Variants in UACA observed in about 807,000 individuals in gnomAD.
The protein encoded by UACA is uveal autoantigen with coiled-coil domains and ankyrin repeats.
In UACA, 112 loss-of-function variants were observed where a neutral mutation model predicts 160.5. That is an observed-to-expected ratio of 0.70 (90% CI 0.60 to 0.82). UACA has a LOEUF of 0.82. UACA is among the 40% of genes least tolerant of loss of function. The pLI is 0.00. For synonymous variants in UACA, 557 were observed against 568.4 expected (o/e 0.98, Z 0.29); for missense variants, 1,574 against 1,614.6 (o/e 0.97, Z 0.43).
At chr15:70,729,019 T>C (rs1265377512) in intron 1 of UACA, among the ~76,000 whole-genome samples, 1 of 152,168 alleles carries the variant, frequency 6.6e-6, no homozygotes, top group Non-Finnish European at 1.5e-5. Context: ...TGGCTATTAT[T>C]ATAAAGTTAA....
chr15:70,744,902 A>T (rs1392936711), intron 1 of UACA, among the ~76,000 whole-genome samples: 1 of 152,198 alleles, frequency 6.6e-6, no homozygotes. Context: ...TGAGAACCTC[A>T]TAACAGCCAT....
chr15:70,684,425 G>A lies in UACA; in HGVS notation c.624C>T (p.Cys208=), dbSNP rs746059009. 9.3e-6 allele frequency: 15 copies of A among 1,610,258 alleles called. No homozygotes were observed. Among genetic ancestry groups the A allele is most frequent in the East Asian group, 2.2e-5 (1 of 44,838 alleles). Residue 208 remains cysteine, a synonymous_variant, in exon 8 of 19, where the codon TGC becomes TGT. Coordinates refer to ENST00000322954, the MANE Select transcript of UACA (RefSeq NM_018003.4). The part of the protein sequence containing the change: ...KQNRTALMLG[C]EYGCRDAVEV... ...CTACTGCATCTCTGCAACCATATTC[G>A]CAACCTAGCATGAGGGCAGTTCTAA...
chr15:70,723,968 G>T (rs1033490908), intron 1 of UACA, among the ~76,000 whole-genome samples: 4 of 152,104 alleles, frequency 2.6e-5, no homozygotes, highest in Non-Finnish European at 5.9e-5. Flanking sequence ...TGACTCCCCA[G>T]ATTTTGTCAG....
intron 1 of UACA, among the ~76,000 whole-genome samples, chr15:70,719,424 G>A (rs1251734973): frequency 6.6e-6 from 1 of 152,180 alleles, no homozygotes; most frequent in Non-Finnish European, 1.5e-5. Flanking sequence ...CCGACAGGCA[G>A]ACTAAGAATG....
chr15:70,752,258 A>C (rs2030130613), intron 1 of UACA, among the ~76,000 whole-genome samples: 1 of 124,044 alleles, frequency 8.1e-6, no homozygotes, highest in South Asian at 2.7e-4. Flanking sequence ...AAAAAAAAAA[A>C]CTTCTCACGT....
the UACA span, among the ~76,000 whole-genome samples, chr15:70,774,980 G>A: frequency 6.6e-6 from 1 of 151,972 alleles, no homozygotes; most frequent in South Asian, 2.1e-4. Context: ...GATCACTTGA[G>A]CCTGGGAGGC....
intron 11 of UACA, among the ~76,000 whole-genome samples, chr15:70,677,355 A>G (rs187617754): frequency 9.1e-4 from 139 of 152,322 alleles, no homozygotes; most frequent in African/African-American, 3.3e-3. Flanking sequence ...TTGAGAACCT[A>G]TCAACCACCA....
In UACA at chr15:70,660,234, T is replaced by C. The variant is rs762691806; in HGVS notation, c.4114-18A>G. 2.5e-6 allele frequency: 4 copies of C among 1,608,352 alleles called. No homozygotes were observed. Among genetic ancestry groups the C allele is most frequent in the Non-Finnish European group, 3.4e-6 (4 of 1,175,706 alleles). ...TCAGCATCCTAGAAATGTGGAAAGATGGACAGATGTGACTATCAGCGTTCA... is the reference window on the plus strand; with the variant it reads ...TCAGCATCCTAGAAATGTGGAAAGACGGACAGATGTGACTATCAGCGTTCA... On this transcript the variant is annotated intron_variant, in intron 17 of 18. Coordinates refer to ENST00000322954, the MANE Select transcript of UACA (RefSeq NM_018003.4).
chr15:70,735,704 G>T (rs1295141526), intron 1 of UACA, among the ~76,000 whole-genome samples: 1 of 152,126 alleles, frequency 6.6e-6, no homozygotes, highest in Non-Finnish European at 1.5e-5. Context: ...TTGAGACAGG[G>T]TCTTGCTCTG....
chr15:70,698,511 T>G (rs775005514), intron 2 of UACA, among the ~76,000 whole-genome samples: 12 of 152,182 alleles, frequency 7.9e-5, no homozygotes, highest in Non-Finnish European at 1.6e-4. Flanking sequence ...AGTGAAACAT[T>G]ATGAACTTGA....
Position 70,690,517 on chromosome 15 carries a change from A to G in UACA, c.367-6T>C. On this transcript the variant is annotated splice_region_variant and splice_polypyrimidine_tract_variant and intron_variant, in intron 4 of 18. Transcript: ENST00000322954. ...TGCTCAGTGGGACAATTGTACTGTT[A>G]AAGTAAAGAAAACTTAGTAAAGTAG... 6.2e-7 allele frequency: 1 copy of G among 1,609,018 alleles called. No individual in the cohort carries two copies. The highest frequency in any genetic ancestry group is 8.5e-7 in the Non-Finnish European group (1 of 1,177,520).
At chr15:70,728,691 G>C (rs1899225061) in intron 1 of UACA, among the ~76,000 whole-genome samples, 1 of 151,686 alleles carries the variant, frequency 6.6e-6, no homozygotes, top group South Asian at 2.1e-4. Context: ...AAATTGAAAA[G>C]TGGGACCTAA....
chr15:70,763,950 C>A (rs570840565), upstream of UACA, among the ~76,000 whole-genome samples: 116 of 152,352 alleles, frequency 7.6e-4, 1 homozygote, highest in Middle Eastern at 3.4e-3. Context: ...CTCTTGGTTA[C>A]CTGCACACAG....
intron 2 of UACA, among the ~76,000 whole-genome samples, chr15:70,697,852 A>G (rs919047396): frequency 2.0e-5 from 3 of 152,144 alleles, no homozygotes; most frequent in African/African-American, 2.4e-5. Flanking sequence ...GGAGTCCAAG[A>G]CCAGCCTGAC....
intron 1 of UACA, among the ~76,000 whole-genome samples, chr15:70,736,819 A>C (rs1291384366): frequency 1.3e-5 from 2 of 152,198 alleles, no homozygotes; most frequent in Admixed American, 1.3e-4. Flanking sequence ...TTTTAATGTA[A>C]GACTGCAGTC....
At chr15:70,711,936 T>C (rs1898692667) in intron 1 of UACA, among the ~76,000 whole-genome samples, 1 of 151,952 alleles carries the variant, frequency 6.6e-6, no homozygotes, top group Non-Finnish European at 1.5e-5. Flanking sequence ...AAACACAACG[T>C]ATGGCCTTTT....
intron 1 of UACA, among the ~76,000 whole-genome samples, chr15:70,703,897 T>C (rs894762057): frequency 1.3e-5 from 2 of 152,174 alleles, no homozygotes; most frequent in African/African-American, 4.8e-5. Context: ...TTTCAGGTTC[T>C]TCTCCAATGT....
intron 17 of UACA, chr15:70,660,493 G>A: frequency 2.7e-6 from 1 of 376,790 alleles, no homozygotes; most frequent in Non-Finnish European, 4.7e-6. Context: ...AACTTCTGAA[G>A]ACACTTATCA....
intron 1 of UACA, among the ~76,000 whole-genome samples, chr15:70,744,337 T>C (rs1286638573): frequency 6.6e-6 from 1 of 151,678 alleles, no homozygotes; most frequent in African/African-American, 2.4e-5. Flanking sequence ...GGGATCCAGC[T>C]GACTGCCTTT....
Sources: gnomAD v4.1 joint callset for allele counts (sites outside exome capture counted in the v4.1 genomes callset) on GRCh38, gnomAD v4.1.1 for gene constraint, MANE v1.5 for transcripts, NCBI Gene and HGNC (gene_info 2026-07-23, HGNC 2026-07-21) for gene names.